The following NTN1 variants were observed in gnomAD, a reference collection of about 807,000 sequenced individuals.
The protein encoded by NTN1 is netrin 1.
In NTN1, 11 loss-of-function variants were observed where a neutral mutation model predicts 54.2. The ratio of observed to expected loss-of-function variants is 0.20; its 90% CI spans 0.13 to 0.34. The LOEUF is 0.34. NTN1 is among the 10% of genes least tolerant of loss of function. The pLI is 1.00. For missense variants in NTN1, 740 were observed against 893.1 expected (o/e 0.83, Z 2.18); for synonymous variants, 371 against 382.0 (o/e 0.97, Z 0.33).
At chr17:9,041,722 A>G (rs1323700750) in intron 2 of NTN1, among the ~76,000 whole-genome samples, 1 of 152,124 alleles carries the variant, frequency 6.6e-6, no homozygotes, top group African/African-American at 2.4e-5. Flanking sequence ...TAAGACAACT[A>G]TCTCATCCAG....
intron 2 of NTN1, among the ~76,000 whole-genome samples, chr17:9,121,499 T>C (rs553238503): frequency 6.6e-6 from 1 of 152,278 alleles, no homozygotes; most frequent in South Asian, 2.1e-4. Context: ...TGTGACCTCT[T>C]GGCAGTTCTG....
Position 9,090,513 on chromosome 17 carries a change from C to T in NTN1, c.1018+67122C>T, listed in dbSNP as rs539772096. On this transcript the variant is annotated intron_variant, in intron 2 of 6. Transcript: ENST00000173229. Reference sequence around the variant, plus strand: ...TCTTACTTACCAAAGCAGGTAAGGACTCTCTGTGACTCACTAAGCAAGAAA... The same window carrying T: ...TCTTACTTACCAAAGCAGGTAAGGATTCTCTGTGACTCACTAAGCAAGAAA... 3.9e-5 allele frequency among the ~76,000 whole-genome samples: 6 copies of T among 152,182 alleles called. No homozygotes were observed. In the East Asian group the frequency reaches 9.7e-4, roughly 25 times the overall value.
At chr17:9,191,250 C>T (rs1446986424) in intron 5 of NTN1, among the ~76,000 whole-genome samples, 1 of 152,198 alleles carries the variant, frequency 6.6e-6, no homozygotes, top group East Asian at 1.9e-4. Flanking sequence ...CATCTGAGGT[C>T]AGGAGTTCAA....
At chr17:9,205,386 G>A (rs1904939660) in intron 5 of NTN1, among the ~76,000 whole-genome samples, 1 of 152,250 alleles carries the variant, frequency 6.6e-6, no homozygotes, top group Non-Finnish European at 1.5e-5. Context: ...CTAACACTTT[G>A]GGAGGCCAGA....
chr17:9,106,278 A>G (rs4791333), intron 2 of NTN1, among the ~76,000 whole-genome samples: 134,802 of 152,162 alleles, frequency 0.89, 59,814 homozygotes, highest in East Asian at 1. Flanking sequence ...GTGCCTTGGC[A>G]AATCTGGTTG....
chr17:9,237,679 C>G (rs1906035667), intron 6 of NTN1, among the ~76,000 whole-genome samples: 1 of 152,208 alleles, frequency 6.6e-6, no homozygotes, highest in South Asian at 2.1e-4. Flanking sequence ...CAGCCATATC[C>G]CGAGCTCATT....
intron 2 of NTN1, among the ~76,000 whole-genome samples, chr17:9,115,511 A>G (rs1208539665): frequency 2.0e-5 from 3 of 152,262 alleles, no homozygotes; most frequent in Admixed American, 1.3e-4. Flanking sequence ...GGAGCTGGAC[A>G]GATCCCGGCT....
intron 2 of NTN1, among the ~76,000 whole-genome samples, chr17:9,094,758 A>C (rs12936305): frequency 0.086 from 13,139 of 152,158 alleles, 687 homozygotes; most frequent in Non-Finnish European, 0.11. Context: ...TGGAAGGCTG[A>C]GGCAGGCGGA....
intron 2 of NTN1, among the ~76,000 whole-genome samples, chr17:9,112,479 C>T (rs915484120): frequency 1.3e-5 from 2 of 152,102 alleles, no homozygotes; most frequent in African/African-American, 2.4e-5. Context: ...AGTGTCTTTT[C>T]GTTGTCTGCT....
chr17:9,007,677 C>T, the NTN1 span, among the ~76,000 whole-genome samples: 9 of 142,782 alleles, frequency 6.3e-5, no homozygotes, highest in African/African-American at 2.3e-4. Flanking sequence ...TTCCCTCCTT[C>T]TCCTTTCTTC....
At chr17:9,133,997 C>T (rs71371894) in intron 2 of NTN1, among the ~76,000 whole-genome samples, 2 of 150,026 alleles carry the variant, frequency 1.3e-5, no homozygotes, top group Admixed American at 1.3e-4. Context: ...CTCTGCCTCC[C>T]GAGTTCAAGC....
chr17:9,190,959 T>C (rs1252191719), intron 5 of NTN1, among the ~76,000 whole-genome samples: 1 of 152,204 alleles, frequency 6.6e-6, no homozygotes, highest in African/African-American at 2.4e-5. Flanking sequence ...AATCAGTAAA[T>C]GGTCCTGGGA....
chr17:9,020,717 A>G (rs959222935), upstream of NTN1, among the ~76,000 whole-genome samples: 1 of 152,104 alleles, frequency 6.6e-6, no homozygotes, highest in Admixed American at 6.5e-5. Flanking sequence ...GCCTCAGGGG[A>G]TCTGGGGAGG....
chr17:9,210,420 GCACA>G (rs759332234), intron 5 of NTN1, among the ~76,000 whole-genome samples: 5 of 118,456 alleles, frequency 4.2e-5, no homozygotes, highest in East Asian at 2.2e-4. Context: ...ACATGTGCGT[GCACA>G]CACACACACA....
chr17:9,043,807 G>A (rs577062158), intron 2 of NTN1, among the ~76,000 whole-genome samples: 1 of 151,882 alleles, frequency 6.6e-6, no homozygotes, highest in South Asian at 2.1e-4. Context: ...CTCAAACTCC[G>A]GACCTCAGGT....
chr17:9,007,799 A>T, the NTN1 span, among the ~76,000 whole-genome samples: 27 of 151,468 alleles, frequency 1.8e-4, no homozygotes. Context: ...TGGCATGATC[A>T]TGCCTCATTG....
At chr17:9,067,287 T>C (rs1055155340) in intron 2 of NTN1, among the ~76,000 whole-genome samples, 3 of 147,700 alleles carry the variant, frequency 2.0e-5, no homozygotes, top group African/African-American at 7.5e-5. Flanking sequence ...AAAAATGGCA[T>C]GTTGTTAGGG....
chr17:9,168,658 G>A (rs1037598164), intron 3 of NTN1, among the ~76,000 whole-genome samples: 5 of 152,208 alleles, frequency 3.3e-5, no homozygotes, highest in Admixed American at 1.3e-4. Context: ...GTGAATATGT[G>A]TGTTTAGATC....
At chr17:9,112,081 G>A (rs16957954) in intron 2 of NTN1, among the ~76,000 whole-genome samples, 5,443 of 152,254 alleles carry the variant, frequency 0.036, 325 homozygotes, top group African/African-American at 0.12. Flanking sequence ...ATGCCTCTTG[G>A]GTGAACAGGT....
Sources: gnomAD v4.1 joint callset for allele counts (sites outside exome capture counted in the v4.1 genomes callset) on GRCh38, gnomAD v4.1.1 for gene constraint, MANE v1.5 for transcripts, NCBI Gene and HGNC (gene_info 2026-07-23, HGNC 2026-07-21) for gene names.